Variants in ABCG1 observed in about 807,000 individuals in gnomAD.
ABCG1 encodes ATP-binding cassette sub-family G member 1.
In ABCG1, 29 loss-of-function variants were observed where a neutral mutation model predicts 69.2. The observed-to-expected ratio is 0.42, with a 90% CI of 0.31 to 0.57. ABCG1 has a LOEUF of 0.57. ABCG1 is among the 20% of genes least tolerant of loss of function. ABCG1 has a pLI of 0.15. For missense variants in ABCG1, 718 were observed against 898.1 expected (o/e 0.80, Z 2.56); for synonymous variants, 370 against 374.8 (o/e 0.99, Z 0.15).
At position 42,271,086 on chromosome 21, in the gene ABCG1, G is replaced by A. The variant is rs1223575604; in HGVS notation, c.303G>A (p.Leu101=). The A allele has an allele frequency of 1.3e-6, 2 of 1,554,418 alleles. No homozygotes were observed. Among genetic ancestry groups the A allele is most frequent in the Admixed American group, 2.1e-5 (1 of 47,610 alleles). The change falls in exon 3 of 15, where the codon CTG becomes CTA. Residue 101 remains leucine, a synonymous_variant. Coordinates refer to ENST00000398449, the MANE Select transcript of ABCG1 (RefSeq NM_016818.3). ...WWRKKGYKTL[L]KGISGKFNSG... is the part of the protein sequence containing the mutation. ...TTTTTGCAGGATACAAGACCCTCCT[G>A]AAAGGAATTTCCGGGAAGTTCAATA... is the stretch of plus-strand genomic sequence containing the variant.
At chr21:42,263,031 C>T (rs1430354008) in intron 2 of ABCG1, among the ~76,000 whole-genome samples, 2 of 152,222 alleles carry the variant, frequency 1.3e-5, no homozygotes, top group Non-Finnish European at 2.9e-5. Context: ...GCGATGCTGC[C>T]GTGTCCCCCG....
chr21:42,239,385 C>T (rs1227316303), intron 2 of ABCG1, among the ~76,000 whole-genome samples: 2 of 152,234 alleles, frequency 1.3e-5, no homozygotes, highest in Non-Finnish European at 2.9e-5. Context: ...AGCTTAGAAT[C>T]ACTAAGATGG....
chr21:42,221,966 G>A lies in ABCG1; in HGVS notation c.42+2662G>A, dbSNP rs770459754. Among the ~76,000 whole-genome samples, 12 of 152,236 alleles carry A rather than the reference G, an allele frequency of 7.9e-5. 1 individual carries two copies. The highest frequency in any genetic ancestry group is 3.4e-3 in the Middle Eastern group (1 of 294). On this transcript the variant is annotated intron_variant, in intron 1 of 14. Transcript: ENST00000398449. Reference sequence around the variant, plus strand: ...GCAATCACAGGCCACTCTGCTCAGCGCCCAGGAAAATATTCCCATGAACAG... The same window carrying A: ...GCAATCACAGGCCACTCTGCTCAGCACCCAGGAAAATATTCCCATGAACAG...
Position 42,225,713 on chromosome 21 carries a change from G to T in ABCG1, c.85G>T (p.Val29Leu). The T allele has an allele frequency of 1.2e-6, 2 of 1,613,918 alleles. No homozygotes were observed. Among genetic ancestry groups the T allele is most frequent in the Non-Finnish European group, 1.7e-6 (2 of 1,180,010 alleles). Residue 29 changes from valine (V) to leucine (L), a missense_variant, in exon 2 of 15, where the codon GTG becomes TTG. Coordinates refer to ENST00000398449, the MANE Select transcript of ABCG1 (RefSeq NM_016818.3). Reference protein sequence around the residue: ...YSAEMTEPKSVCVSVDEVVSS... With the variant: ...YSAEMTEPKSLCVSVDEVVSS... The stretch of plus-strand genomic sequence containing the variant: ...TGCAGAGATGACGGAGCCCAAGTCG[G>T]TGTGTGTCTCGGTGGATGAGGTGGT...
rs1425860581 is a variant in ABCG1, at chr21:42,225,702, A to G, written c.74A>G (p.Glu25Gly). 8 of 1,612,482 alleles carry G rather than the reference A, an allele frequency of 5.0e-6. No homozygotes were observed. Among genetic ancestry groups the G allele is most frequent in the Non-Finnish European group, 6.8e-6 (8 of 1,179,744 alleles). The change falls in exon 2 of 15, where the codon GAG becomes GGG. Residue 25 changes from glutamate (E) to glycine (G), a missense_variant. This residue lies in a region of ABCG1 where 514 missense variants were observed against 574.3 expected (regional missense o/e 0.90). Coordinates refer to ENST00000398449, the MANE Select transcript of ABCG1 (RefSeq NM_016818.3). ...AGCAGTTACTCTGCAGAGATGACGG[A>G]GCCCAAGTCGGTGTGTGTCTCGGTG... ...NASSYSAEMT[E>G]PKSVCVSVDE...
chr21:42,294,513 AC>A, intron 13 of ABCG1, 28 bp from the exon 14 acceptor site: 1 of 1,574,256 alleles, frequency 6.4e-7, no homozygotes, highest in Non-Finnish European at 8.7e-7. Flanking sequence ...AGGTTCTGCT[AC>A]ATCTGTCCTG....
At chr21:42,241,155 G>A (rs1225698409) in intron 2 of ABCG1, among the ~76,000 whole-genome samples, 2 of 152,264 alleles carry the variant, frequency 1.3e-5, no homozygotes, top group South Asian at 2.1e-4. Context: ...ACGTTCAGAC[G>A]TGACTGCCTG....
chr21:42,203,520 T>G (rs1045571693), intron 2 of ABCG1, among the ~76,000 whole-genome samples: 5 of 152,236 alleles, frequency 3.3e-5, no homozygotes, highest in Non-Finnish European at 7.3e-5. Context: ...CAGCAGCACT[T>G]GCTGGAAAAG....
At chr21:42,270,759 C>T (rs1425132997) in intron 2 of ABCG1, among the ~76,000 whole-genome samples, 1 of 152,148 alleles carries the variant, frequency 6.6e-6, no homozygotes, top group Non-Finnish European at 1.5e-5. Flanking sequence ...GACATCGCTT[C>T]CTCACTCTGA....
intron 2 of ABCG1, among the ~76,000 whole-genome samples, chr21:42,266,572 C>T (rs567584220): frequency 7.9e-4 from 121 of 152,244 alleles, no homozygotes; most frequent in African/African-American, 2.6e-3. Flanking sequence ...TGTAGGTCTG[C>T]GGCTCCAAGG....
At chr21:42,265,170 G>GCCCTCACGT (rs1027987065) in intron 2 of ABCG1, among the ~76,000 whole-genome samples, 9 of 152,160 alleles carry the variant, frequency 5.9e-5, no homozygotes, top group African/African-American at 1.9e-4. Context: ...GAGTGCTCAG[G>GCCCTCACGT]CCCTCACGTC....
intron 2 of ABCG1, among the ~76,000 whole-genome samples, chr21:42,243,622 C>G (rs2068087459): frequency 6.6e-6 from 1 of 151,990 alleles, no homozygotes; most frequent in Non-Finnish European, 1.5e-5. Context: ...CCAGCCAGTT[C>G]CTCTGTAAAA....
At chr21:42,236,711 A>G (rs1479561346) in intron 2 of ABCG1, among the ~76,000 whole-genome samples, 1 of 152,212 alleles carries the variant, frequency 6.6e-6, no homozygotes, top group Non-Finnish European at 1.5e-5. Context: ...GCCTAAACCC[A>G]CTAAGCCAAC....
chr21:42,259,182 G>A, intron 2 of ABCG1: 1 of 1,397,438 alleles, frequency 7.2e-7, no homozygotes, highest in Non-Finnish European at 9.4e-7. Flanking sequence ...GTGTGAGAGA[G>A]ACGACATTGC....
chr21:42,268,753 A>G (rs1175556696), intron 2 of ABCG1, among the ~76,000 whole-genome samples: 1 of 152,058 alleles, frequency 6.6e-6, no homozygotes, highest in Non-Finnish European at 1.5e-5. Flanking sequence ...TGCAAATTCC[A>G]GTTTGCTGGT....
At chr21:42,214,195 A>T (rs2067616143), upstream of ABCG1, among the ~76,000 whole-genome samples, 1 of 152,208 alleles carries the variant, frequency 6.6e-6, no homozygotes, top group South Asian at 2.1e-4. Context: ...GAAGGTGATT[A>T]GTTCATGAAG....
At chr21:42,293,394 T>C (rs1305379108) in intron 13 of ABCG1, among the ~76,000 whole-genome samples, 102 of 54,490 alleles carry the variant, frequency 1.9e-3, no homozygotes, top group Middle Eastern at 0.023. Flanking sequence ...ACACCACACA[T>C]ACTACACACC....
intron 10 of ABCG1, 138 bp from the exon 11 acceptor site, chr21:42,289,909 TGGA>T (rs1419667538): frequency 2.3e-6 from 2 of 886,086 alleles, no homozygotes; most frequent in East Asian, 2.6e-5. Context: ...CTTGTTTCTC[TGGA>T]GGAGAAGACA....
At chr21:42,225,597 A>G (rs2067802226) in intron 1 of ABCG1, 74 bp from the exon 2 acceptor site, 4 of 1,563,880 alleles carry the variant, frequency 2.6e-6, no homozygotes, top group Non-Finnish European at 3.5e-6. Context: ...CCTGAGCCTC[A>G]TGGTGAATCT....
Sources: allele counts gnomAD v4.1 joint callset (sites outside exome capture counted in the v4.1 genomes callset), GRCh38; gene constraint gnomAD v4.1.1; regional missense constraint gnomAD v4.1.1; transcripts MANE v1.5; gene names NCBI Gene and HGNC (gene_info 2026-07-23, HGNC 2026-07-21).